LRTM3: variants seen among roughly 807,000 people sequenced by gnomAD.
The protein encoded by LRTM3 is leucine rich repeat transmembrane protein 3.
chr13:102,738,653 G>A, the LRTM3 span: 1 of 1,550,358 alleles, frequency 6.5e-7, no homozygotes, highest in Non-Finnish European at 8.7e-7. Flanking sequence ...TTCATATGCT[G>A]TTTTCTCTGT....
At chr13:102,733,117 T>C in the LRTM3 span, 1 of 1,551,360 alleles carries the variant, frequency 6.4e-7, no homozygotes, top group Non-Finnish European at 8.7e-7. Context: ...TCTTCTGCTT[T>C]CCACTTTGAA....
the LRTM3 span, among the ~76,000 whole-genome samples, chr13:102,754,318 TTC>T: frequency 0.71 from 107,423 of 151,614 alleles, 39,498 homozygotes; most frequent in South Asian, 0.84. Flanking sequence ...GTCAGCACAG[TTC>T]TCTCTAATTT....
chr13:102,745,770 C>A, the LRTM3 span: 1 of 1,551,150 alleles, frequency 6.4e-7, no homozygotes, highest in Non-Finnish European at 8.7e-7. Context: ...ATTTCATCAA[C>A]CTTTGCTTCC....
chr13:102,743,604 A>G, the LRTM3 span: 1 of 1,550,460 alleles, frequency 6.4e-7, no homozygotes. Flanking sequence ...ACAGGCATGA[A>G]GAAATCTAAA....
the LRTM3 span, among the ~76,000 whole-genome samples, chr13:102,755,929 G>C: frequency 1.1e-5 from 1 of 89,258 alleles, no homozygotes; most frequent in Non-Finnish European, 2.0e-5. Flanking sequence ...GTGTGTGTGT[G>C]TGTATATATA....
At chr13:102,737,440 C>T in the LRTM3 span, 1 of 1,550,758 alleles carries the variant, frequency 6.4e-7, no homozygotes, top group Non-Finnish European at 8.7e-7. Flanking sequence ...TGTGTCCATC[C>T]CTTTTCTCTT....
At chr13:102,739,356 T>C in the LRTM3 span, 8 of 1,549,604 alleles carry the variant, frequency 5.2e-6, no homozygotes, top group Non-Finnish European at 6.1e-6. Flanking sequence ...TCTATTACAT[T>C]ACTTAAACTG....
chr13:102,732,186 G>C, the LRTM3 span: 2 of 1,551,276 alleles, frequency 1.3e-6, no homozygotes, highest in Non-Finnish European at 1.7e-6. Context: ...AATTTAGGAA[G>C]ACAGATTCTC....
chr13:102,732,754 C>T, the LRTM3 span: 7 of 1,551,218 alleles, frequency 4.5e-6, no homozygotes, highest in African/African-American at 5.5e-5. Flanking sequence ...TCTCTGTTTT[C>T]TCTTCTTGCA....
chr13:102,758,623 A>G, the LRTM3 span: 3 of 1,519,190 alleles, frequency 2.0e-6, no homozygotes, highest in East Asian at 2.5e-5. Context: ...CGGAGTATCA[A>G]AATTCAAAAA....
chr13:102,734,878 A>T, the LRTM3 span: 1 of 1,551,022 alleles, frequency 6.4e-7, no homozygotes, highest in Non-Finnish European at 8.7e-7. Context: ...TTTGCACGTC[A>T]TCCTCTTCCT....
At chr13:102,729,471 T>G in the LRTM3 span, 1 of 1,457,312 alleles carries the variant, frequency 6.9e-7, no homozygotes, top group Non-Finnish European at 9.0e-7. Flanking sequence ...AAAACGGTAG[T>G]AAGGGACCCC....
chr13:102,749,134 G>A, the LRTM3 span: 42 of 1,550,096 alleles, frequency 2.7e-5, no homozygotes, highest in Middle Eastern at 1.0e-3. Flanking sequence ...TGTTATTCTT[G>A]CATCCTAACT....
At chr13:102,745,074 T>A in the LRTM3 span, 3 of 1,550,772 alleles carry the variant, frequency 1.9e-6, no homozygotes, top group Non-Finnish European at 2.6e-6. Context: ...TCTCTTTGTA[T>A]TGGCTCTGCA....
At chr13:102,731,593 T>G in the LRTM3 span, 1 of 1,551,488 alleles carries the variant, frequency 6.4e-7, no homozygotes, top group Non-Finnish European at 8.7e-7. Context: ...GTATGTTATC[T>G]AGTTTATCAG....
the LRTM3 span, among the ~76,000 whole-genome samples, chr13:102,755,937 A>G: frequency 0.38 from 33,643 of 87,892 alleles, 4,647 homozygotes; most frequent in South Asian, 0.47. Context: ...GTGTGTATAT[A>G]TATACATATA....
the LRTM3 span, chr13:102,738,969 C>T: frequency 1.3e-6 from 2 of 1,550,394 alleles, no homozygotes; most frequent in Non-Finnish European, 1.7e-6. Flanking sequence ...TTTGCTTTTT[C>T]AATACTGCTT....
At chr13:102,730,091 G>T in the LRTM3 span, 3 of 1,550,762 alleles carry the variant, frequency 1.9e-6, no homozygotes. Flanking sequence ...TTTGGAAGAT[G>T]ATCTATATTT....
the LRTM3 span, chr13:102,750,470 G>T: frequency 1.2e-6 from 1 of 816,316 alleles, no homozygotes; most frequent in Non-Finnish European, 1.9e-6. Flanking sequence ...AGAAAATGCA[G>T]CATAGTATAT....
Sources: allele counts gnomAD v4.1 joint callset (sites outside exome capture counted in the v4.1 genomes callset), GRCh38; gene constraint gnomAD v4.1.1; transcripts MANE v1.5; gene names NCBI Gene and HGNC (gene_info 2026-07-23, HGNC 2026-07-21).